CPEB2: variants seen among roughly 807,000 people sequenced by gnomAD.
CPEB2 encodes cytoplasmic polyadenylation element binding protein 2.
Under a neutral mutation model 93.6 loss-of-function variants are expected in CPEB2, and 56 were observed. That is an observed-to-expected ratio of 0.60 (90% CI 0.48 to 0.75). CPEB2 has a LOEUF of 0.75. Ranked by LOEUF, CPEB2 falls within the 30% of genes least tolerant of loss-of-function variation. CPEB2 has a pLI of 0.00. For missense variants in CPEB2, 1,579 were observed against 1,395.1 expected, an observed-to-expected ratio of 1.13 and a Z score of -2.10; for synonymous variants, 764 against 586.3, an observed-to-expected ratio of 1.30 and a Z score of -4.38.
intron 11 of CPEB2, among the ~76,000 whole-genome samples, chr4:15,064,084 G>A (rs924062517): frequency 4.6e-5 from 7 of 151,998 alleles, no homozygotes; most frequent in African/African-American, 1.4e-4. Context: ...CTTATTTGGC[G>A]GGAATGAAAA....
In CPEB2 at chr4:15,067,837, G is replaced by T. The variant is rs538439616; in HGVS notation, c.*1457G>T. On this transcript the variant is annotated 3_prime_UTR_variant, in exon 12 of 12. Transcript: ENST00000538197. ...GTTGCATGGAACATTGTTCTTAATA[G>T]TTGAGAATTGCTTTTTTGAAAATTT... 1 of 152,462 alleles carries T rather than the reference G, an allele frequency of 6.6e-6. No homozygotes were observed. The highest frequency in any genetic ancestry group is 2.1e-4 in the South Asian group (1 of 4,832). The allele number at this position is 152,462 out of a possible 1,614,324, so 9.4% of individuals were successfully genotyped here.
intron 4 of CPEB2, among the ~76,000 whole-genome samples, chr4:15,026,808 CA>C (rs1160085302): frequency 8.5e-5 from 13 of 152,114 alleles, no homozygotes; most frequent in Admixed American, 5.2e-4. Context: ...TTAGGTATTT[CA>C]AATTTTTAAA....
chr4:15,020,915 T>C (rs146714871), intron 4 of CPEB2, among the ~76,000 whole-genome samples: 49 of 152,188 alleles, frequency 3.2e-4, no homozygotes, highest in African/African-American at 1.2e-3. Flanking sequence ...CTAATTTAGA[T>C]GTGGAGTAAA....
chr4:15,019,770 A>T (rs1724611033), intron 4 of CPEB2, among the ~76,000 whole-genome samples: 1 of 152,120 alleles, frequency 6.6e-6, no homozygotes, highest in South Asian at 2.1e-4. Context: ...ATTTCTCTTT[A>T]TATTAATGCT....
At chr4:15,043,551 G>C (rs994330539) in intron 6 of CPEB2, among the ~76,000 whole-genome samples, 9 of 152,040 alleles carry the variant, frequency 5.9e-5, no homozygotes, top group Admixed American at 1.3e-4. Context: ...GAACATACTT[G>C]TCCAGGATTG....
At position 15,066,451 on chromosome 4, in the gene CPEB2, G is replaced by T; in HGVS notation, c.*71G>T. The T allele has an allele frequency of 1.8e-6, 2 of 1,095,088 alleles. No individual in the cohort carries two copies. Among genetic ancestry groups the T allele is most frequent in the Admixed American group, 2.1e-5 (1 of 48,698 alleles). The allele number at this position is 1,095,088 out of a possible 1,614,324, so 67.8% of individuals were successfully genotyped here. On this transcript the variant is annotated 3_prime_UTR_variant, in exon 12 of 12. Transcript: ENST00000538197. ...GTGGCTTACTGTGTCTGAAGATACT[G>T]ACATGCAGAAGAAATAAGTGCATTC... is the stretch of plus-strand genomic sequence containing the variant.
At chr4:15,005,202 ATATC>A (rs1382313459) in intron 1 of CPEB2, 1 of 152,240 alleles carries the variant, frequency 6.6e-6, no homozygotes, top group Non-Finnish European at 1.5e-5. Flanking sequence ...TCAAACCGAG[ATATC>A]CCACGAATGT....
Position 15,003,270 on chromosome 4 carries a change from T to G in CPEB2, c.597T>G (p.Pro199=), listed in dbSNP as rs868803011. The G allele has an allele frequency of 3.0e-5, 45 of 1,510,214 alleles. No individual in the cohort carries two copies. Among genetic ancestry groups the G allele is most frequent in the Middle Eastern group, 1.7e-4 (1 of 5,748 alleles). The allele number at this position is 1,510,214 out of a possible 1,614,324, so 93.6% of individuals were successfully genotyped here. A position where few individuals can be genotyped will look rare whatever the true frequency, so the allele number is the denominator to read the frequency against. ...CGGACTCGAAGCCGCCGCCGCCGCC[T>G]CCGCCGCTCCACTGCCCCGGTCGGT... ...HPPDSKPPPP[P]PPLHCPGRFS... is the part of the protein sequence containing the mutation. The change falls in exon 1 of 12, where the codon CCT becomes CCG. Residue 199 remains proline (P), a synonymous_variant. Coordinates refer to ENST00000538197, the MANE Select transcript of CPEB2 (RefSeq NM_001177382.2).
At chr4:15,039,007 A>G (rs1490960337) in intron 5 of CPEB2, among the ~76,000 whole-genome samples, 1 of 152,154 alleles carries the variant, frequency 6.6e-6, no homozygotes, top group Non-Finnish European at 1.5e-5. Context: ...TAGACAACAA[A>G]ATACTAAGTG....
At position 15,010,760 on chromosome 4, in the gene CPEB2, A is replaced by G. The variant is rs1342983449; in HGVS notation, c.2034+2333A>G. Reference sequence around the variant, plus strand: ...CAAGTACATTATTTTACAACATTTTACTTTTTATTTCCTTTAGTCTCAAAC... The same window carrying G: ...CAAGTACATTATTTTACAACATTTTGCTTTTTATTTCCTTTAGTCTCAAAC... On this transcript the variant is annotated intron_variant, in intron 3 of 11. Coordinates refer to ENST00000538197, the MANE Select transcript of CPEB2 (RefSeq NM_001177382.2). Among the ~76,000 whole-genome samples the G allele has an allele frequency of 2.0e-5, 3 of 152,194 alleles. No individual in the cohort carries two copies. In the East Asian group the frequency reaches 5.8e-4, roughly 29 times the overall value.
intron 9 of CPEB2, among the ~76,000 whole-genome samples, chr4:15,058,885 C>G (rs1257211526): frequency 6.6e-6 from 1 of 152,124 alleles, no homozygotes; most frequent in East Asian, 1.9e-4. Context: ...GTTGCATGTT[C>G]TTTATGAGAA....
At chr4:15,054,996 G>A (rs952171799) in intron 8 of CPEB2, among the ~76,000 whole-genome samples, 1 of 152,144 alleles carries the variant, frequency 6.6e-6, no homozygotes, top group Non-Finnish European at 1.5e-5. Context: ...GAATTGTCAA[G>A]CCTGGAGAAA....
At chr4:15,045,720 A>C (rs1475825526) in intron 6 of CPEB2, among the ~76,000 whole-genome samples, 2 of 152,186 alleles carry the variant, frequency 1.3e-5, no homozygotes, top group Non-Finnish European at 2.9e-5. Flanking sequence ...CGGCAAGGAA[A>C]TATTACCTTT....
rs2108929573 is a variant in CPEB2 at position 15,003,088 on chromosome 4, G to A, written c.415G>A (p.Asp139Asn). ...TGTGACCCACCTCCTCCCCTCCCAG[G>A]ACTTCAAACCGAGTCTGCACCACCC... ...AGVTHLLPSQ[D>N]FKPSLHHPSS... Residue 139 changes from aspartate to asparagine, a missense_variant, in exon 1 of 12, where the codon GAC becomes AAC. Transcript: ENST00000538197. 6.5e-7 allele frequency: 1 copy of A among 1,532,668 alleles called. No homozygotes were observed. Among genetic ancestry groups the A allele is most frequent in the Non-Finnish European group, 8.7e-7 (1 of 1,145,830 alleles). 94.9% of individuals were successfully genotyped at this position (1,532,668 alleles called of 1,614,324 possible). A position where few individuals can be genotyped will look rare whatever the true frequency, so the allele number is the denominator to read the frequency against.
Position 15,003,513 on chromosome 4 carries a change from C to T in CPEB2, c.840C>T (p.Gly280=). ...CGCGGCGCCGCCACGGAGGCGCGGG[C>T]AGCCCTCGCAAGACCCCAGCCGCGG... ...AAPRRRHGGA[G]SPRKTPAAGE... Residue 280 remains glycine (G), a synonymous_variant, in exon 1 of 12, where the codon GGC becomes GGT. Coordinates refer to ENST00000538197, the MANE Select transcript of CPEB2 (RefSeq NM_001177382.2). 2 of 1,423,112 alleles carry T rather than the reference C, an allele frequency of 1.4e-6. No homozygotes were observed. Among genetic ancestry groups the T allele is most frequent in the Non-Finnish European group, 9.2e-7 (1 of 1,091,866 alleles). 88.2% of individuals were successfully genotyped at this position (1,423,112 alleles called of 1,614,324 possible).
chr4:15,030,513 A>G (rs1166903078), intron 4 of CPEB2, among the ~76,000 whole-genome samples: 2 of 152,130 alleles, frequency 1.3e-5, no homozygotes, highest in African/African-American at 4.8e-5. Flanking sequence ...CTCAGAGTAT[A>G]GCCTCAAATG....
At chr4:15,013,505 T>C (rs1454199772) in intron 3 of CPEB2, among the ~76,000 whole-genome samples, 3 of 152,064 alleles carry the variant, frequency 2.0e-5, no homozygotes, top group Admixed American at 6.5e-5. Context: ...AGTTCTTCTA[T>C]TTAGTTTTCA....
At chr4:15,013,318 T>G (rs942767235) in intron 3 of CPEB2, among the ~76,000 whole-genome samples, 2 of 152,054 alleles carry the variant, frequency 1.3e-5, no homozygotes, top group Non-Finnish European at 2.9e-5. Flanking sequence ...CAGATAGTTT[T>G]TATATTTTAG....
chr4:15,053,311 C>G (rs766209077), intron 7 of CPEB2, among the ~76,000 whole-genome samples: 1 of 152,000 alleles, frequency 6.6e-6, no homozygotes, highest in Non-Finnish European at 1.5e-5. Context: ...CCACCATACC[C>G]GGCCAAAAGT....
Sources: gnomAD v4.1 joint callset for allele counts (sites outside exome capture counted in the v4.1 genomes callset) on GRCh38, gnomAD v4.1.1 for gene constraint, MANE v1.5 for transcripts, NCBI Gene and HGNC (gene_info 2026-07-23, HGNC 2026-07-21) for gene names.